The following ZNF462 variants were observed in gnomAD, a reference collection of about 807,000 sequenced individuals.
The protein encoded by ZNF462 is zinc finger protein 462.
ZNF462 carries 10 observed loss-of-function variants against 201.9 expected under a neutral mutation model. The ratio of observed to expected loss-of-function variants is 0.05; its 90% CI spans 0.03 to 0.08. ZNF462 has a LOEUF of 0.08. Among genes scored for constraint, ZNF462 ranks in the 10% least tolerant of loss-of-function variants. The pLI, the probability that ZNF462 is intolerant of heterozygous loss-of-function variation, is 1.00. For missense variants in ZNF462, 2,523 were observed against 3,168.3 expected, an observed-to-expected ratio of 0.80 and a Z score of 4.89; for synonymous variants, 1,227 against 1,193.3, an observed-to-expected ratio of 1.03 and a Z score of -0.58.
rs1341823960 is a variant in ZNF462 at position 106,913,801 on chromosome 9, C to T, written c.-30-9553C>T. 6.7e-6 allele frequency among the ~76,000 whole-genome samples: 1 copy of T among 150,286 alleles called. No individual in the cohort carries two copies. Among genetic ancestry groups the T allele is most frequent in the Admixed American group, 6.7e-5 (1 of 14,960 alleles). On this transcript the variant is annotated intron_variant, in intron 1 of 12. Transcript: ENST00000277225. This position sits in a 1 kb window ranked among gnomAD's most constrained non-coding sequence, Gnocchi z 4.1. ...GTTTTTAATAGAGAAGAGGTTTTAC[C>T]ATGTTGGCTAGGCTGGTCTCGAACT...
Position 106,948,555 on chromosome 9 carries a change from A to G in ZNF462, c.6427+9448A>G, listed in dbSNP as rs1831206752. 2.0e-5 allele frequency among the ~76,000 whole-genome samples: 3 copies of G among 152,244 alleles called. No homozygotes were observed. The South Asian group carries it at 6.2e-4, about 31-fold the overall frequency. ...ACATAATAAAATGTAAGGGTCACCC[A>G]TCATGCCAGCCTCTCCCTACCCAGA... On this transcript the variant is annotated intron_variant, in intron 7 of 12. Coordinates refer to ENST00000277225, the MANE Select transcript of ZNF462 (RefSeq NM_021224.6).
chr9:106,915,656 T>G (rs1308793257), intron 1 of ZNF462, among the ~76,000 whole-genome samples: 1 of 152,200 alleles, frequency 6.6e-6, no homozygotes, highest in African/African-American at 2.4e-5. Flanking sequence ...AAGGACAGCC[T>G]TCTGTTGGCT....
rs1830214053 is a variant in ZNF462, at chr9:106,926,857, A to T, written c.2945A>T (p.Asn982Ile). ...TESQTLREIL[N>I]SAPKNMATST... ...TCCCAGACCCTGAGGGAGATTCTGAATTCGGCTCCCAAGAACATGGCGACT... is the reference window on the plus strand; with the variant it reads ...TCCCAGACCCTGAGGGAGATTCTGATTTCGGCTCCCAAGAACATGGCGACT... The change falls in exon 3 of 13, where the codon AAT becomes ATT. Residue 982 changes from asparagine to isoleucine, a missense_variant. By Grantham distance (149) the Asn-to-Ile change is moderately radical. Coordinates refer to ENST00000277225, the MANE Select transcript of ZNF462 (RefSeq NM_021224.6). The surrounding 1 kb of genome is among the most constrained non-coding windows in gnomAD (Gnocchi z 7.9). 1 of 1,614,052 alleles carries T rather than the reference A, an allele frequency of 6.2e-7. No homozygotes were observed.
At position 106,946,641 on chromosome 9, in the gene ZNF462, G is replaced by A. The variant is rs576338449; in HGVS notation, c.6427+7534G>A. Among the ~76,000 whole-genome samples, 6 of 152,096 alleles carry A rather than the reference G, an allele frequency of 3.9e-5. No individual in the cohort carries two copies. The East Asian group carries it at 7.8e-4, about 20-fold the overall frequency. On this transcript the variant is annotated intron_variant, in intron 7 of 12. Transcript: ENST00000277225. ...TTGCTAGAGTCGAGGGTATGTCCTC[G>A]GAAAGATGGGTATGTAAAAAAATAA...
intron 1 of ZNF462, among the ~76,000 whole-genome samples, chr9:106,873,574 T>C (rs1457446377): frequency 6.6e-6 from 1 of 152,186 alleles, no homozygotes; most frequent in African/African-American, 2.4e-5. Flanking sequence ...TAATGGTCAT[T>C]TTTGGAACAT....
rs1267315365 is a variant in ZNF462 at position 106,870,018 on chromosome 9, T to G, written c.-31+6663T>G. On this transcript the variant is annotated intron_variant, in intron 1 of 12. Coordinates refer to ENST00000277225, the MANE Select transcript of ZNF462 (RefSeq NM_021224.6). This position sits in a 1 kb window ranked among gnomAD's most constrained non-coding sequence, Gnocchi z 4.3. ...ATTTACATTTTGTGCTTGGAAATGC[T>G]ATCATAAAATTTATCTTTTTTCTAA... Among the ~76,000 whole-genome samples the G allele has an allele frequency of 6.6e-6, 1 of 152,208 alleles. No individual in the cohort carries two copies.
intron 9 of ZNF462, among the ~76,000 whole-genome samples, chr9:106,982,019 G>A (rs1193410861): frequency 1.3e-5 from 2 of 152,240 alleles, no homozygotes; most frequent in South Asian, 2.1e-4. Context: ...GAAGATGCCA[G>A]TAAAGTTCAT....
rs1447261024 is a variant in ZNF462, at chr9:106,927,411, C to T, written c.3499C>T (p.Pro1167Ser). ...MRGVEGPQGS[P>S]RPPAPIQQLN... The stretch of plus-strand genomic sequence containing the variant: ...AGGGGTCGAAGGGCCCCAAGGCTCC[C>T]CCCGGCCACCCGCCCCCATACAACA... The change falls in exon 3 of 13, where the codon CCC becomes TCC. Residue 1167 changes from proline to serine, a missense_variant. Transcript: ENST00000277225. 1 of 1,613,922 alleles carries T rather than the reference C, an allele frequency of 6.2e-7. No individual in the cohort carries two copies. Among genetic ancestry groups the T allele is most frequent in the Non-Finnish European group, 8.5e-7 (1 of 1,179,990 alleles).
Position 106,927,929 on chromosome 9 carries a change from T to C in ZNF462, c.4017T>C (p.Tyr1339=), listed in dbSNP as rs140576161. 262 of 1,614,204 alleles carry C rather than the reference T, an allele frequency of 1.6e-4. 1 individual carries two copies. The African/African-American group carries it at 3.0e-3, about 19-fold the overall frequency. ...LHYQRRHPEH[Y]VDYTYMATKL... ...ACCAACGGAGGCATCCAGAACACTA[T>C]GTTGATTACACCTACATGGCTACTA... The change falls in exon 3 of 13, where the codon TAT becomes TAC. Residue 1339 remains tyrosine (Y), a synonymous_variant. Transcript: ENST00000277225.
rs947717035 is a variant in ZNF462 at position 107,003,134 on chromosome 9, A to G, written c.7057-160A>G. Among the ~76,000 whole-genome samples, 3 of 152,210 alleles carry G rather than the reference A, an allele frequency of 2.0e-5. No homozygotes were observed. Among genetic ancestry groups the G allele is most frequent in the Non-Finnish European group, 4.4e-5 (3 of 68,034 alleles). On this transcript the variant is annotated intron_variant, in intron 10 of 12. Coordinates refer to ENST00000277225, the MANE Select transcript of ZNF462 (RefSeq NM_021224.6). The surrounding 1 kb of genome is among the most constrained non-coding windows in gnomAD (Gnocchi z 4.4). The stretch of plus-strand genomic sequence containing the variant: ...CAAAGGGCTGCTCCATCTCCAAAAG[A>G]GTCAAAACGAAGAAAAAGACCTCTT...
rs1829960246 is a variant in ZNF462 at position 107,012,204 on chromosome 9, T to C, written c.*1174T>C. 6.6e-6 allele frequency: 1 copy of C among 151,030 alleles called. No individual in the cohort carries two copies. Among genetic ancestry groups the C allele is most frequent in the South Asian group, 2.1e-4 (1 of 4,792 alleles). 9.4% of individuals were successfully genotyped at this position (151,030 alleles called of 1,614,324 possible). On this transcript the variant is annotated 3_prime_UTR_variant, in exon 13 of 13. Coordinates refer to ENST00000277225, the MANE Select transcript of ZNF462 (RefSeq NM_021224.6). ...CAGACGAGGAGGTCCTCCTCACCCTTTTGTTGCCTGTCAAATTCACGCATT... is the reference window on the plus strand; with the variant it reads ...CAGACGAGGAGGTCCTCCTCACCCTCTTGTTGCCTGTCAAATTCACGCATT...
At chr9:106,979,908 G>C (rs1321763628) in intron 9 of ZNF462, among the ~76,000 whole-genome samples, 1 of 152,140 alleles carries the variant, frequency 6.6e-6, no homozygotes, top group Non-Finnish European at 1.5e-5. Flanking sequence ...TTAACTTAAA[G>C]TTTCTGTTTC....
intron 7 of ZNF462, among the ~76,000 whole-genome samples, chr9:106,958,047 C>T (rs1297176795): frequency 6.6e-6 from 1 of 152,072 alleles, no homozygotes; most frequent in Non-Finnish European, 1.5e-5. Flanking sequence ...ACAATTCTAA[C>T]CTGCTAGTAA....
chr9:106,887,447 G>A (rs1828370129), intron 1 of ZNF462, among the ~76,000 whole-genome samples: 1 of 152,160 alleles, frequency 6.6e-6, no homozygotes, highest in Admixed American at 6.5e-5. Context: ...TGGAACCTTG[G>A]TTCCCTGACC....
Position 106,962,903 on chromosome 9 carries a change from A to G in ZNF462, c.6428-9102A>G, listed in dbSNP as rs2131920917. Among the ~76,000 whole-genome samples the G allele has an allele frequency of 6.6e-6, 1 of 152,138 alleles. No individual in the cohort carries two copies. The highest frequency in any genetic ancestry group is 2.1e-4 in the South Asian group (1 of 4,822). ...CAGAGAGCTCCACTGATGACAGTAG[A>G]CAAGGAGGTGCCAGAGTCCTTGGCC... is the stretch of plus-strand genomic sequence containing the variant. On this transcript the variant is annotated intron_variant, in intron 7 of 12. Transcript: ENST00000277225. This position sits in a 1 kb window ranked among gnomAD's most constrained non-coding sequence, Gnocchi z 4.6.
chr9:107,009,989 G>A lies in ZNF462; in HGVS notation c.7313+321G>A, dbSNP rs1588213834. 1.3e-5 allele frequency among the ~76,000 whole-genome samples: 2 copies of A among 152,100 alleles called. No individual in the cohort carries two copies. Among genetic ancestry groups the A allele is most frequent in the African/African-American group, 2.4e-5 (1 of 41,406 alleles). ...TTAGCGTGACATTCTATAATAGAAC[G>A]TGAATCGAGGTCAAAAGATCTGGCT... On this transcript the variant is annotated intron_variant, in intron 12 of 12. Transcript: ENST00000277225. This position sits in a 1 kb window ranked among gnomAD's most constrained non-coding sequence, Gnocchi z 6.1.
At position 106,928,991 on chromosome 9, in the gene ZNF462, G is replaced by A. The variant is rs777400105; in HGVS notation, c.5079G>A (p.Lys1693=). The change falls in exon 3 of 13, where the codon AAG becomes AAA. Residue 1693 remains lysine, a synonymous_variant. Coordinates refer to ENST00000277225, the MANE Select transcript of ZNF462 (RefSeq NM_021224.6). This position sits in a 1 kb window ranked among gnomAD's most constrained non-coding sequence, Gnocchi z 9.3. Reference sequence around the variant, plus strand: ...ATGTCCGAGCCCAGCCAGAAGGCAAGAACAACCTCTTCAAGTGTGCCCTGT... The same window carrying A: ...ATGTCCGAGCCCAGCCAGAAGGCAAAAACAACCTCTTCAAGTGTGCCCTGT... ...HNNVRAQPEG[K]NNLFKCALCA... is the part of the protein sequence containing the mutation. The A allele has an allele frequency of 3.7e-6, 6 of 1,614,082 alleles. No homozygotes were observed. The highest frequency in any genetic ancestry group is 1.7e-4 in the Middle Eastern group (1 of 6,060).
rs138261153 is a variant in ZNF462 at position 106,950,004 on chromosome 9, C to G, written c.6427+10897C>G. 2.5e-3 allele frequency among the ~76,000 whole-genome samples: 383 copies of G among 152,248 alleles called. No homozygotes were observed. Among genetic ancestry groups the G allele is most frequent in the African/African-American group, 8.8e-3 (365 of 41,524 alleles). ...CTTCCCCATCCAACCTAGACCTGAC[C>G]AGAGGGTTAGCCGTTTCAAAGGGGC... On this transcript the variant is annotated intron_variant, in intron 7 of 12. Coordinates refer to ENST00000277225, the MANE Select transcript of ZNF462 (RefSeq NM_021224.6). This position sits in a 1 kb window ranked among gnomAD's most constrained non-coding sequence, Gnocchi z 4.1.
upstream of ZNF462, among the ~76,000 whole-genome samples, chr9:106,860,384 A>G (rs1301472164): frequency 1.3e-5 from 2 of 152,040 alleles, no homozygotes; most frequent in Non-Finnish European, 1.5e-5. This position sits in a 1 kb window ranked among gnomAD's most constrained non-coding sequence, Gnocchi z 7.1. Context: ...CCAGGGCTCA[A>G]TTCCCCGACT....
Sources: allele counts gnomAD v4.1 joint callset (sites outside exome capture counted in the v4.1 genomes callset), GRCh38; gene constraint gnomAD v4.1.1; non-coding constraint Gnocchi (gnomAD v3.1); transcripts MANE v1.5; gene names NCBI Gene and HGNC (gene_info 2026-07-23, HGNC 2026-07-21).